The following PCDHA3 variants were observed in gnomAD, a reference collection of about 807,000 sequenced individuals.
PCDHA3 encodes protocadherin alpha-3.
Under a neutral mutation model 62.2 loss-of-function variants are expected in PCDHA3, and 41 were observed. The ratio of observed to expected loss-of-function variants is 0.66; its 90% CI spans 0.51 to 0.86. The LOEUF is 0.86. Among genes scored for constraint, PCDHA3 ranks in the 40% least tolerant of loss-of-function variants. The pLI is 0.00. For missense variants in PCDHA3, 1,304 were observed against 1,241.2 expected, an observed-to-expected ratio of 1.05 and a Z score of -0.76; for synonymous variants, 640 against 555.4, an observed-to-expected ratio of 1.15 and a Z score of -2.14.
chr5:140,913,035 T>C (rs1277110200), intron 1 of PCDHA3, among the ~76,000 whole-genome samples: 2 of 152,242 alleles, frequency 1.3e-5, no homozygotes, highest in African/African-American at 4.8e-5. Context: ...TCATCAGATA[T>C]ATTGGCCTGG....
Position 140,828,897 on chromosome 5 carries a change from G to T in PCDHA3, c.2394+25306G>T, listed in dbSNP as rs2150160377. ...GTTATCAGACTGAATGCTTCTGATC[G>T]GGATGAAGGAGCGAATGGGGCAATT... On this transcript the variant is annotated intron_variant, in intron 1 of 3. Coordinates refer to ENST00000522353, the MANE Select transcript of PCDHA3 (RefSeq NM_018906.3). 1.5e-5 allele frequency: 25 copies of T among 1,614,052 alleles called. No homozygotes were observed. In the African/African-American group the frequency reaches 3.1e-4, roughly 20 times the overall value.
chr5:140,829,838 C>T (rs2150175831), intron 1 of PCDHA3: 21 of 1,613,806 alleles, frequency 1.3e-5, no homozygotes, highest in East Asian at 6.7e-5. Context: ...GCTGGTGCCG[C>T]GGTCACTGGG....
chr5:140,821,024 G>T (rs1377305789), intron 1 of PCDHA3, among the ~76,000 whole-genome samples: 4 of 151,932 alleles, frequency 2.6e-5, no homozygotes, highest in Non-Finnish European at 4.4e-5. Flanking sequence ...TTGAAAATTA[G>T]AACTCCGAGA....
At chr5:140,842,634 C>A (rs2150340944) in intron 1 of PCDHA3, 1 of 1,589,836 alleles carries the variant, frequency 6.3e-7, no homozygotes, top group Admixed American at 1.7e-5. Context: ...CTGTGGGCCA[C>A]CGCCAGCTTG....
intron 1 of PCDHA3, chr5:140,823,448 A>G (rs1446735844): frequency 6.2e-7 from 1 of 1,613,308 alleles, no homozygotes; most frequent in African/African-American, 1.3e-5. Context: ...CTGGACGAGA[A>G]CGACAACGCG....
At position 140,801,372 on chromosome 5, in the gene PCDHA3, C is replaced by T. The variant is rs1554121448; in HGVS notation, c.175C>T (p.Leu59=). 6.2e-7 allele frequency: 1 copy of T among 1,613,502 alleles called. No homozygotes were observed. Among genetic ancestry groups the T allele is most frequent in the Admixed American group, 1.7e-5 (1 of 60,028 alleles). Residue 59 remains leucine (L), a synonymous_variant, in exon 1 of 4, where the codon CTG becomes TTG. Transcript: ENST00000522353. ...AQDLGLELAE[L]VPRLFRVASK... Reference sequence around the variant, plus strand: ...GGACCTGGGGCTGGAGCTGGCGGAGCTGGTGCCGCGCCTGTTCCGGGTGGC... The same window carrying T: ...GGACCTGGGGCTGGAGCTGGCGGAGTTGGTGCCGCGCCTGTTCCGGGTGGC...
intron 1 of PCDHA3, chr5:140,968,932 A>C: frequency 6.2e-7 from 1 of 1,614,164 alleles, no homozygotes; most frequent in Non-Finnish European, 8.5e-7. Context: ...TTCTTTTGAC[A>C]ATCATCATTT....
intron 1 of PCDHA3, chr5:140,929,103 G>A: frequency 6.2e-7 from 1 of 1,614,180 alleles, no homozygotes; most frequent in African/African-American, 1.3e-5. Flanking sequence ...ATCCTTGCAT[G>A]ACATCAGCCA....
intron 1 of PCDHA3, among the ~76,000 whole-genome samples, chr5:140,922,458 C>A (rs782064554): frequency 6.6e-6 from 1 of 152,160 alleles, no homozygotes; most frequent in Non-Finnish European, 1.5e-5. Context: ...TATTTGTCAA[C>A]ACAAAATAGG....
At chr5:140,871,703 A>G (rs1202166124) in intron 1 of PCDHA3, 9 of 879,148 alleles carry the variant, frequency 1.0e-5, no homozygotes, top group African/African-American at 1.7e-5. Context: ...TTTAACCAAT[A>G]AATGTCCTAT....
intron 1 of PCDHA3, chr5:140,823,568 C>G: frequency 6.2e-7 from 1 of 1,613,952 alleles, no homozygotes; most frequent in South Asian, 1.1e-5. Flanking sequence ...GCAGTGGACC[C>G]TGATTCGGGC....
At chr5:140,983,585 A>G (rs561693645) in intron 3 of PCDHA3, among the ~76,000 whole-genome samples, 18 of 152,338 alleles carry the variant, frequency 1.2e-4, no homozygotes, top group Non-Finnish European at 2.1e-4. Flanking sequence ...TATTACATCT[A>G]TTCTACATAT....
chr5:140,859,470 A>G (rs184833883), intron 1 of PCDHA3: 1 of 211,162 alleles, frequency 4.7e-6, no homozygotes, highest in South Asian at 1.3e-4. Context: ...TACACTATCA[A>G]TTGTGTTTTC....
In PCDHA3 at chr5:141,010,555, C is replaced by CTG; in HGVS notation, c.*618_*619insTG. 2 of 321,156 alleles carry CTG rather than the reference C, an allele frequency of 6.2e-6. No homozygotes were observed. The highest frequency in any genetic ancestry group is 1.1e-4 in the South Asian group (2 of 18,704). 19.9% of individuals were successfully genotyped at this position (321,156 alleles called of 1,614,324 possible). On this transcript the variant is annotated 3_prime_UTR_variant, in exon 4 of 4. Coordinates refer to ENST00000522353, the MANE Select transcript of PCDHA3 (RefSeq NM_018906.3). ...ACCCTCTAGGAGACAAAACTACCCCCACTGACAAGGCTTTAGGAGACCCTA... is the reference window on the plus strand; with the variant it reads ...ACCCTCTAGGAGACAAAACTACCCCCTGACTGACAAGGCTTTAGGAGACCCTA...
intron 1 of PCDHA3, chr5:140,805,115 G>C: frequency 6.3e-7 from 1 of 1,588,154 alleles, no homozygotes; most frequent in East Asian, 2.2e-5. Flanking sequence ...TGTCTAACAA[G>C]ACTCTTGGCA....
At chr5:140,979,257 C>T (rs1454477008) in intron 2 of PCDHA3, among the ~76,000 whole-genome samples, 1 of 152,194 alleles carries the variant, frequency 6.6e-6, no homozygotes, top group Non-Finnish European at 1.5e-5. Flanking sequence ...TATGTATTTT[C>T]TCCCATCAAA....
At chr5:140,842,322 G>A in intron 1 of PCDHA3, 1 of 1,607,612 alleles carries the variant, frequency 6.2e-7, no homozygotes, top group Non-Finnish European at 8.5e-7. Flanking sequence ...GCGGGTCATT[G>A]CACCGTTTTA....
chr5:140,826,672 G>A (rs1290845533), intron 1 of PCDHA3, among the ~76,000 whole-genome samples: 2 of 152,028 alleles, frequency 1.3e-5, no homozygotes, highest in South Asian at 2.1e-4. Context: ...AATTGTAGAC[G>A]TAATTAAAAA....
intron 1 of PCDHA3, chr5:140,804,382 A>C (rs782019583): frequency 2.0e-5 from 3 of 152,024 alleles, no homozygotes; most frequent in Non-Finnish European, 4.4e-5. Context: ...TATCAATATG[A>C]AGTGAAAATT....
Sources: gnomAD v4.1 joint callset for allele counts (sites outside exome capture counted in the v4.1 genomes callset) on GRCh38, gnomAD v4.1.1 for gene constraint, MANE v1.5 for transcripts, NCBI Gene and HGNC (gene_info 2026-07-23, HGNC 2026-07-21) for gene names.